Variants in NLRC3 observed in about 807,000 individuals in gnomAD.
The protein encoded by NLRC3 is NLR family CARD domain containing 3, also known as NLR family CARD domain-containing protein 3.
A neutral mutation model predicts 91.6 loss-of-function variants in NLRC3; 87 were observed. That is an observed-to-expected ratio of 0.95 (90% CI 0.80 to 1.14). The LOEUF (loss-of-function observed/expected upper bound fraction) is 1.14. Ranked by LOEUF, NLRC3 falls within the 50% of genes most tolerant of loss-of-function variation. The pLI is 0.00. For synonymous variants in NLRC3, 694 were observed against 625.3 expected (o/e 1.11, Z -1.64); for missense variants, 1,577 against 1,418.6 (o/e 1.11, Z -1.79).
At chr16:3,542,141 G>T in intron 19 of NLRC3, 50 bp downstream of exon 19, 1 of 1,315,542 alleles carries the variant, frequency 7.6e-7, no homozygotes, top group Non-Finnish European at 1.1e-6. Context: ...AAGGCAGTGC[G>T]CCACCTGGAA....
chr16:3,546,010 C>T (rs115479054), intron 15 of NLRC3, among the ~76,000 whole-genome samples: 1 of 152,128 alleles, frequency 6.6e-6, no homozygotes, highest in African/African-American at 2.4e-5. Context: ...TGAGTGGTGC[C>T]GATGGCCTGG....
rs537473107 is a variant in NLRC3 at position 3,565,102 on chromosome 16, C to G, written c.-24-42G>C. On this transcript the variant is annotated intron_variant, in intron 3 of 19. Coordinates refer to ENST00000359128, the MANE Select transcript of NLRC3 (RefSeq NM_178844.4). ...TGAACCTGCTGCCTGCCGTGCCCCC[C>G]ATCCAGCAGCCTGGGACAGGTGAGC... The G allele has an allele frequency of 1.8e-5, 27 of 1,488,784 alleles. No individual in the cohort carries two copies. The African/African-American group carries it at 2.8e-4, about 15-fold the overall frequency. 92.2% of individuals were successfully genotyped at this position (1,488,784 alleles called of 1,614,324 possible).
chr16:3,577,101 C>A lies in NLRC3; in HGVS notation c.-169+48G>T, dbSNP rs896678724. ...GGCCACTGTCCTTCCTGCCAGCATC[C>A]CTTCTCCCTCCCCTGCCCTGCACTG... On this transcript the variant is annotated intron_variant, in intron 1 of 19. Coordinates refer to ENST00000359128, the MANE Select transcript of NLRC3 (RefSeq NM_178844.4). 12 of 703,010 alleles carry A rather than the reference C, an allele frequency of 1.7e-5. No individual in the cohort carries two copies. In the Admixed American group the frequency reaches 2.2e-4, roughly 13 times the overall value. The allele number at this position is 703,010 out of a possible 1,614,324, so 43.5% of individuals were successfully genotyped here.
intron 15 of NLRC3, among the ~76,000 whole-genome samples, chr16:3,546,474 T>C: frequency 6.6e-6 from 1 of 151,478 alleles, no homozygotes; most frequent in East Asian, 2.0e-4. Context: ...GGAGAATCGC[T>C]TGGACCTGGG....
Position 3,563,779 on chromosome 16 carries a change from G to T in NLRC3, c.1158C>A (p.Ile386=). Residue 386 remains isoleucine (I), a synonymous_variant, in exon 5 of 20, where the codon ATC becomes ATA. Coordinates refer to ENST00000359128, the MANE Select transcript of NLRC3 (RefSeq NM_178844.4). The part of the protein sequence containing the change: ...GQEKGKASPR[I]EQVAHGGRKM... ...TGCGGCCACCATGGGCCACCTGCTC[G>T]ATGCGAGGGCTTGCCTTGCCCTTCT... The T allele has an allele frequency of 6.2e-7, 1 of 1,612,898 alleles. No homozygotes were observed. Among genetic ancestry groups the T allele is most frequent in the Non-Finnish European group, 8.5e-7 (1 of 1,179,450 alleles).
chr16:3,569,912 C>G (rs568068325), intron 1 of NLRC3, among the ~76,000 whole-genome samples: 126 of 152,182 alleles, frequency 8.3e-4, no homozygotes, highest in Non-Finnish European at 1.5e-3. Context: ...CATTCAAATA[C>G]TATTATGTAA....
intron 16 of NLRC3, chr16:3,543,750 G>A (rs1249797732): frequency 1.5e-5 from 8 of 543,594 alleles, no homozygotes; most frequent in Non-Finnish European, 2.7e-5. Context: ...CGGGGAGAAT[G>A]CTCCCTGTAC....
intron 6 of NLRC3, 89 bp downstream of exon 6, chr16:3,561,613 G>T: frequency 3.4e-6 from 3 of 891,994 alleles, no homozygotes; most frequent in Non-Finnish European, 5.5e-6. Context: ...TGGCAGCGCC[G>T]CTGGCCAGCT....
rs368804582 is a variant in NLRC3, at chr16:3,541,898, A to G, written c.3125T>C (p.Ile1042Thr). The change falls in exon 20 of 20, where the codon ATT (isoleucine) becomes ACT (threonine). Residue 1042 changes from isoleucine to threonine, a missense_variant. Ile to Thr is a moderately conservative substitution (Grantham distance 89, BLOSUM62 -1). Coordinates refer to ENST00000359128, the MANE Select transcript of NLRC3 (RefSeq NM_178844.4). ...LQHINLQGNH[I>T]GDSGARMISE... ...GATCATCCTGGCCCCGGAGTCCCCA[A>G]TGTGGTTTCCCTGGAGACTAGAAGA... is the stretch of plus-strand genomic sequence containing the variant. 2.2e-4 allele frequency: 354 copies of G among 1,609,446 alleles called. 2 individuals carry two copies. Among genetic ancestry groups the G allele is most frequent in the Admixed American group, 6.2e-4 (37 of 59,748 alleles).
At chr16:3,576,906 G>A (rs935905935) in intron 1 of NLRC3, among the ~76,000 whole-genome samples, 1 of 152,130 alleles carries the variant, frequency 6.6e-6, no homozygotes, top group Admixed American at 6.6e-5. Flanking sequence ...CTGACCTCAA[G>A]TGATCCGCCC....
intron 10 of NLRC3, among the ~76,000 whole-genome samples, chr16:3,550,914 C>T (rs1282630043): frequency 6.6e-6 from 1 of 152,120 alleles, no homozygotes; most frequent in Non-Finnish European, 1.5e-5. Flanking sequence ...AGCTAACCAG[C>T]ACTCACACTT....
chr16:3,556,825 C>G, intron 8 of NLRC3, 86 bp downstream of exon 8: 1 of 883,780 alleles, frequency 1.1e-6, no homozygotes, highest in Non-Finnish European at 1.9e-6. Flanking sequence ...TTGTGAATCA[C>G]CTCCCATTCT....
Position 3,541,658 on chromosome 16 carries a change from G to A in NLRC3, c.*167C>T, listed in dbSNP as rs1168217145. The stretch of plus-strand genomic sequence containing the variant: ...GGACCACTCCTGCAGCAGAAGAGGA[G>A]CTCACGACCTCCTCCGGCAGCACCT... On this transcript the variant is annotated 3_prime_UTR_variant, in exon 20 of 20. Coordinates refer to ENST00000359128, the MANE Select transcript of NLRC3 (RefSeq NM_178844.4). 4 of 609,888 alleles carry A rather than the reference G, an allele frequency of 6.6e-6. No homozygotes were observed. Among genetic ancestry groups the A allele is most frequent in the Non-Finnish European group, 1.2e-5 (4 of 341,492 alleles). 37.8% of individuals were successfully genotyped at this position (609,888 alleles called of 1,614,324 possible). A position where few individuals can be genotyped will look rare whatever the true frequency, so the allele number is the denominator to read the frequency against.
chr16:3,566,801 C>T (rs959803764), intron 2 of NLRC3, among the ~76,000 whole-genome samples: 8 of 151,532 alleles, frequency 5.3e-5, no homozygotes, highest in Non-Finnish European at 1.2e-4. Flanking sequence ...TGAGGCAGGA[C>T]AATCACTTGA....
intron 1 of NLRC3, among the ~76,000 whole-genome samples, chr16:3,575,999 A>T (rs942247008): frequency 2.0e-5 from 3 of 152,178 alleles, no homozygotes; most frequent in Non-Finnish European, 2.9e-5. Context: ...GGAAGAAGGA[A>T]GTGGCACCTG....
chr16:3,567,549 G>A (rs1056368592), intron 1 of NLRC3, among the ~76,000 whole-genome samples: 5 of 151,908 alleles, frequency 3.3e-5, no homozygotes, highest in Non-Finnish European at 2.9e-5. Flanking sequence ...TGAGGCAGGC[G>A]GATCACCTGA....
At chr16:3,554,087 C>G (rs2151090766) in intron 9 of NLRC3, among the ~76,000 whole-genome samples, 155 bp downstream of exon 9, 1 of 152,208 alleles carries the variant, frequency 6.6e-6, no homozygotes, top group East Asian at 1.9e-4. Context: ...CAGCTGCTCT[C>G]TCGAAAAGTA....
chr16:3,542,244 C>T lies in NLRC3; in HGVS notation c.3054G>A (p.Gly1018=), dbSNP rs772754210. The change falls in exon 19 of 20, where the codon GGG becomes GGA. Residue 1018 remains glycine, a synonymous_variant. Coordinates refer to ENST00000359128, the MANE Select transcript of NLRC3 (RefSeq NM_178844.4). ...ACAGTGCTGTGGCAATGCATATCGCCCCGTCCATCCCCAGAGAATTCTCTT... is the reference window on the plus strand; with the variant it reads ...ACAGTGCTGTGGCAATGCATATCGCTCCGTCCATCCCCAGAGAATTCTCTT... ...NLQENSLGMD[G]AICIATALSG... is the part of the protein sequence containing the mutation. The T allele has an allele frequency of 8.8e-6, 14 of 1,593,998 alleles. No individual in the cohort carries two copies. The East Asian group carries it at 2.3e-4, about 26-fold the overall frequency.
chr16:3,562,470 G>C (rs563818461), intron 5 of NLRC3, among the ~76,000 whole-genome samples: 2 of 152,186 alleles, frequency 1.3e-5, no homozygotes, highest in African/African-American at 4.8e-5. Context: ...GTGAAACCCC[G>C]TCTCTACTAA....
Sources: allele counts gnomAD v4.1 joint callset (sites outside exome capture counted in the v4.1 genomes callset), GRCh38; gene constraint gnomAD v4.1.1; transcripts MANE v1.5; gene names NCBI Gene and HGNC (gene_info 2026-07-23, HGNC 2026-07-21).